SMARCA2: variants seen among roughly 807,000 people sequenced by gnomAD.
SMARCA2 encodes the protein SWI/SNF related BAF chromatin remodeling complex subunit ATPase 2.
In SMARCA2, 61 loss-of-function variants were observed where a neutral mutation model predicts 199.8. The observed-to-expected ratio is 0.31, with a 90% CI of 0.25 to 0.38. The LOEUF (loss-of-function observed/expected upper bound fraction) is 0.38, where lower values mean the gene tolerates loss of function less well. SMARCA2 is among the 10% of genes least tolerant of loss of function. The pLI is 1.00. For missense variants in SMARCA2, 1,344 were observed against 2,012.2 expected (o/e 0.67, Z 6.35); for synonymous variants, 935 against 732.0 (o/e 1.28, Z -4.48).
In SMARCA2 at chr9:2,125,410, G is replaced by C. The variant is rs150899285; in HGVS notation, c.3981+1473G>C. Among the ~76,000 whole-genome samples, 364 of 152,036 alleles carry C rather than the reference G, an allele frequency of 2.4e-3. 1 individual carries two copies. Among genetic ancestry groups the C allele is most frequent in the African/African-American group, 8.4e-3 (350 of 41,462 alleles). ...TTGGCTAATATATATTTCTGAGCTT[G>C]GGAAAATTTTATTTAAGCAATAAAT... On this transcript the variant is annotated intron_variant, in intron 27 of 33. Transcript: ENST00000349721.
intron 23 of SMARCA2, among the ~76,000 whole-genome samples, chr9:2,109,677 A>T (rs1822906317): frequency 6.6e-6 from 1 of 152,162 alleles, no homozygotes; most frequent in Non-Finnish European, 1.5e-5. Flanking sequence ...GCTAACAAGG[A>T]TAAAATTATT....
At position 2,086,889 on chromosome 9, in the gene SMARCA2, C is replaced by G. The variant is rs369724771; in HGVS notation, c.2587C>G (p.Leu863Val). ...GHRMKNHHCK[L>V]TQVLNTHYVA... ...CCGAATGAAGAATCACCACTGCAAG[C>G]TGACTCAGGTCTTGAACACTCACTA... Residue 863 changes from leucine to valine, a missense_variant, in exon 18 of 34, where the codon CTG (leucine) becomes GTG (valine). Coordinates refer to ENST00000349721, the MANE Select transcript of SMARCA2 (RefSeq NM_003070.5). The surrounding 1 kb of genome is among the most constrained non-coding windows in gnomAD (Gnocchi z 4.3). 1 of 1,614,052 alleles carries G rather than the reference C, an allele frequency of 6.2e-7. No homozygotes were observed. Among genetic ancestry groups the G allele is most frequent in the Non-Finnish European group, 8.5e-7 (1 of 1,180,004 alleles).
intron 10 of SMARCA2, among the ~76,000 whole-genome samples, chr9:2,072,712 A>G (rs919310754): frequency 6.6e-6 from 1 of 152,242 alleles, no homozygotes; most frequent in African/African-American, 2.4e-5. Context: ...GATTTAAATA[A>G]AAAGGGAATG....
chr9:2,085,758 A>G (rs1219937706), intron 17 of SMARCA2: 1 of 152,194 alleles, frequency 6.6e-6, no homozygotes, highest in Non-Finnish European at 1.5e-5. Context: ...AGGACTGTAT[A>G]GAATACTTTC....
At chr9:2,175,077 G>A (rs1195645962) in intron 29 of SMARCA2, among the ~76,000 whole-genome samples, 3 of 152,072 alleles carry the variant, frequency 2.0e-5, no homozygotes, top group African/African-American at 7.2e-5. Context: ...TACAAGGTGG[G>A]GTGGGAAAAA....
intron 28 of SMARCA2, among the ~76,000 whole-genome samples, chr9:2,168,444 C>T (rs1218529235): frequency 6.6e-6 from 1 of 152,194 alleles, no homozygotes; most frequent in Non-Finnish European, 1.5e-5. Flanking sequence ...TTGAGTAGGG[C>T]TGAAACTCTG....
Position 2,088,616 on chromosome 9 carries a change from A to G in SMARCA2, c.2883+3A>G. ...TTGAATCCCAGCTTCCCGAAAAAGT[A>G]TGTTGCACAACCAAAAGTTGTGGGT... is the stretch of plus-strand genomic sequence containing the variant. On this transcript the variant is annotated splice_donor_region_variant and intron_variant, in intron 19 of 33. Transcript: ENST00000349721. 11 of 1,579,126 alleles carry G rather than the reference A, an allele frequency of 7.0e-6. No individual in the cohort carries two copies. The highest frequency in any genetic ancestry group is 9.4e-6 in the Non-Finnish European group (11 of 1,167,736).
rs982180586 is a variant in SMARCA2, at chr9:2,056,482, C to A, written c.1174-190C>A. ...TTATTTGGGGAGAAAAATCTTGTACCGTTCTTGAAAATATTGCATACATTT... is the reference window on the plus strand; with the variant it reads ...TTATTTGGGGAGAAAAATCTTGTACAGTTCTTGAAAATATTGCATACATTT... On this transcript the variant is annotated intron_variant, in intron 6 of 33. Coordinates refer to ENST00000349721, the MANE Select transcript of SMARCA2 (RefSeq NM_003070.5). This position sits in a 1 kb window ranked among gnomAD's most constrained non-coding sequence, Gnocchi z 4.0. Among the ~76,000 whole-genome samples the A allele has an allele frequency of 6.6e-6, 1 of 152,026 alleles. No individual in the cohort carries two copies. Among genetic ancestry groups the A allele is most frequent in the Admixed American group, 6.5e-5 (1 of 15,274 alleles).
intron 14 of SMARCA2, among the ~76,000 whole-genome samples, chr9:2,080,876 T>C (rs1821538017): frequency 6.6e-6 from 1 of 152,212 alleles, no homozygotes; most frequent in South Asian, 2.1e-4. Context: ...TTCTCTTTTA[T>C]TTGAGCTTCT....
chr9:2,160,032 G>A (rs899379047), intron 27 of SMARCA2: 5 of 1,305,844 alleles, frequency 3.8e-6, no homozygotes, highest in East Asian at 5.1e-5. Flanking sequence ...GGGTGCTTGA[G>A]GAGAGCAATA....
intron 27 of SMARCA2, among the ~76,000 whole-genome samples, chr9:2,149,182 T>A (rs1041718458): frequency 6.6e-6 from 1 of 151,154 alleles, no homozygotes; most frequent in Non-Finnish European, 1.5e-5. Context: ...AAAAGGCACT[T>A]CTTACATGGT....
intron 9 of SMARCA2, among the ~76,000 whole-genome samples, chr9:2,062,471 G>T (rs997794009): frequency 6.6e-6 from 1 of 152,198 alleles, no homozygotes; most frequent in African/African-American, 2.4e-5. Flanking sequence ...CTGCCGTGGT[G>T]TTAGATAGTT....
intron 21 of SMARCA2, among the ~76,000 whole-genome samples, chr9:2,098,007 A>C (rs995124469): frequency 6.6e-6 from 1 of 152,198 alleles, no homozygotes; most frequent in Non-Finnish European, 1.5e-5. Flanking sequence ...CCTGATGCTC[A>C]GGTCTCTAGA....
chr9:2,061,762 A>G (rs1182386260), intron 9 of SMARCA2, among the ~76,000 whole-genome samples: 2 of 152,228 alleles, frequency 1.3e-5, no homozygotes, highest in Admixed American at 6.5e-5. Flanking sequence ...GAGGATTGGT[A>G]GCATTTAATC....
At chr9:2,043,642 A>T (rs1302138455) in intron 4 of SMARCA2, 1 of 152,208 alleles carries the variant, frequency 6.6e-6, no homozygotes, top group Non-Finnish European at 1.5e-5. Context: ...TTCTTACTGA[A>T]TGCATAGATC....
intron 27 of SMARCA2, among the ~76,000 whole-genome samples, chr9:2,125,109 C>G (rs746550178): frequency 7.9e-5 from 12 of 152,074 alleles, no homozygotes; most frequent in Non-Finnish European, 1.6e-4. Flanking sequence ...GCAAACAGGT[C>G]TTGTCACCGC....
chr9:2,097,173 C>T, intron 20 of SMARCA2: 1 of 515,364 alleles, frequency 1.9e-6, no homozygotes, highest in Non-Finnish European at 3.4e-6. Flanking sequence ...TCAAGGTTCA[C>T]TTTTTTTGTA....
chr9:2,044,599 G>A (rs1396612252), intron 4 of SMARCA2: 1 of 152,198 alleles, frequency 6.6e-6, no homozygotes, highest in African/African-American at 2.4e-5. Flanking sequence ...CTTCACCGCT[G>A]CCCTATGAGG....
At chr9:2,167,661 G>A (rs1826001951) in intron 28 of SMARCA2, among the ~76,000 whole-genome samples, 1 of 152,200 alleles carries the variant, frequency 6.6e-6, no homozygotes, top group African/African-American at 2.4e-5. Flanking sequence ...AATTTAATAA[G>A]CCCTTGTGGT....
Sources: allele counts gnomAD v4.1 joint callset (sites outside exome capture counted in the v4.1 genomes callset), GRCh38; gene constraint gnomAD v4.1.1; non-coding constraint Gnocchi (gnomAD v3.1); transcripts MANE v1.5; gene names NCBI Gene and HGNC (gene_info 2026-07-23, HGNC 2026-07-21).